ORC3: variants seen among roughly 807,000 people sequenced by gnomAD.
ORC3 encodes origin recognition complex subunit 3.
In ORC3, 78 loss-of-function variants were observed where a neutral mutation model predicts 100.7. The ratio of observed to expected loss-of-function variants is 0.77; its 90% CI spans 0.65 to 0.94. The LOEUF (loss-of-function observed/expected upper bound fraction) is 0.94, where lower values mean the gene tolerates loss of function less well. ORC3 is among the 40% of genes least tolerant of loss of function. ORC3 has a pLI of 0.00. For missense variants in ORC3, 789 were observed against 823.9 expected (o/e 0.96, Z 0.52); for synonymous variants, 295 against 289.3 (o/e 1.02, Z -0.20).
chr6:87,667,879 A>AGAT (rs1472032293), downstream of ORC3, among the ~76,000 whole-genome samples: 1 of 152,066 alleles, frequency 6.6e-6, no homozygotes, highest in Non-Finnish European at 1.5e-5. Flanking sequence ...CAGTGAACTG[A>AGAT]GATCGGCCAC....
At chr6:87,598,674 A>G (rs1038191599) in intron 2 of ORC3, among the ~76,000 whole-genome samples, 2 of 139,330 alleles carry the variant, frequency 1.4e-5, no homozygotes, top group African/African-American at 2.7e-5. Context: ...TTTTTTTTTC[A>G]TTATGTGGCT....
the ORC3 span, among the ~76,000 whole-genome samples, chr6:87,673,416 CCT>C: frequency 6.6e-6 from 1 of 151,962 alleles, no homozygotes. Flanking sequence ...GTTTAACTGG[CCT>C]CTAGTGGTAG....
chr6:87,657,161 C>A, intron 15 of ORC3, 179 bp downstream of exon 15: 1 of 538,678 alleles, frequency 1.9e-6, no homozygotes, highest in Non-Finnish European at 3.3e-6. Context: ...GCCATCATTA[C>A]TCTACATATA....
At chr6:87,632,742 T>C (rs1206062113) in intron 11 of ORC3, among the ~76,000 whole-genome samples, 1 of 152,136 alleles carries the variant, frequency 6.6e-6, no homozygotes, top group Non-Finnish European at 1.5e-5. Flanking sequence ...CAGGCACCTG[T>C]AATCCCAGCT....
At chr6:87,661,257 T>C (rs1299095334) in intron 16 of ORC3, among the ~76,000 whole-genome samples, 2 of 152,194 alleles carry the variant, frequency 1.3e-5, no homozygotes, top group Non-Finnish European at 2.9e-5. Context: ...TAGCCAGCCA[T>C]CACAGAAACT....
At chr6:87,652,764 C>T (rs1404108047) in intron 13 of ORC3, among the ~76,000 whole-genome samples, 1 of 152,196 alleles carries the variant, frequency 6.6e-6, no homozygotes, top group South Asian at 2.1e-4. Flanking sequence ...TTTTAAGTCT[C>T]CATCTAACCT....
At chr6:87,659,025 G>GGT (rs1562382228) in intron 16 of ORC3, among the ~76,000 whole-genome samples, 1 of 142,504 alleles carries the variant, frequency 7.0e-6, no homozygotes, top group African/African-American at 2.6e-5. Flanking sequence ...AGTGGGGCGG[G>GGT]GGGGGGAGAA....
In ORC3 at chr6:87,654,286, G is replaced by A. The variant is rs1583155749; in HGVS notation, c.1516+1037G>A. Among the ~76,000 whole-genome samples, 12 of 152,282 alleles carry A rather than the reference G, an allele frequency of 7.9e-5. No individual in the cohort carries two copies. The South Asian group carries it at 2.5e-3, about 32-fold the overall frequency. ...GGCACCTGATGAGTGCTCAGTCATG[G>A]AAGATGAAAGAGAATGTTTGCCTGA... On this transcript the variant is annotated intron_variant, in intron 14 of 19. Transcript: ENST00000392844.
At chr6:87,603,235 C>T in intron 3 of ORC3, 149 bp from the exon 4 acceptor site, 1 of 438,094 alleles carries the variant, frequency 2.3e-6, no homozygotes, top group Non-Finnish European at 4.0e-6. Context: ...GCACTAATTA[C>T]TAGAGATTTA....
At chr6:87,620,722 A>T (rs977510876) in intron 9 of ORC3, among the ~76,000 whole-genome samples, 1 of 152,130 alleles carries the variant, frequency 6.6e-6, no homozygotes, top group East Asian at 1.9e-4. Context: ...TGTATACAAG[A>T]TTATCCAAAC....
intron 11 of ORC3, among the ~76,000 whole-genome samples, chr6:87,622,764 T>A: frequency 6.6e-6 from 1 of 152,244 alleles, no homozygotes; most frequent in Non-Finnish European, 1.5e-5. Context: ...TTTTGGCAGT[T>A]GCTGCCTTCT....
intron 7 of ORC3, 145 bp from the exon 8 acceptor site, chr6:87,611,944 G>C: frequency 1.5e-6 from 1 of 664,980 alleles, no homozygotes; most frequent in Non-Finnish European, 2.4e-6. Flanking sequence ...GAAAGACTTA[G>C]AAAATTTTAG....
In ORC3 at chr6:87,612,157, G is replaced by C; in HGVS notation, c.782G>C (p.Arg261Pro). The C allele has an allele frequency of 6.2e-7, 1 of 1,613,296 alleles. No homozygotes were observed. Residue 261 changes from arginine (R) to proline (P), a missense_variant, in exon 8 of 20, where the codon CGA (arginine) becomes CCA (proline). Around this residue, in one of 3 missense-constraint regions of ORC3, gnomAD observed 399 missense variants for 382.0 expected, o/e 1.04. Coordinates refer to ENST00000392844, the MANE Select transcript of ORC3 (RefSeq NM_012381.4). Reference sequence around the variant, plus strand: ...GCCACATCTCCTATTATCATCCACCGATTGCTTCCTCATGCAGTATCATCT... The same window carrying C: ...GCCACATCTCCTATTATCATCCACCCATTGCTTCCTCATGCAGTATCATCT... Reference protein sequence around the residue: ...GIATSPIIIHRLLPHAVSSLL... With the variant: ...GIATSPIIIHPLLPHAVSSLL...
At position 87,634,973 on chromosome 6, in the gene ORC3, C is replaced by T. The variant is rs753101471; in HGVS notation, c.1302+12C>T. ...CACTAGGTCGACAGGTAATCCAAGCCTCCTCATTTGTAATCCATGAAGTAG... is the reference window on the plus strand; with the variant it reads ...CACTAGGTCGACAGGTAATCCAAGCTTCCTCATTTGTAATCCATGAAGTAG... On this transcript the variant is annotated intron_variant, in intron 12 of 19. Transcript: ENST00000392844. The T allele has an allele frequency of 4.8e-6, 6 of 1,255,282 alleles. No homozygotes were observed. The South Asian group carries it at 6.0e-5, about 12-fold the overall frequency. The allele number at this position is 1,255,282 out of a possible 1,614,324, so 77.8% of individuals were successfully genotyped here. A position where few individuals can be genotyped will look rare whatever the true frequency, so the allele number is the denominator to read the frequency against.
Position 87,594,336 on chromosome 6 carries a change from C to T in ORC3, c.25-17C>T, listed in dbSNP as rs151279422. On this transcript the variant is annotated splice_polypyrimidine_tract_variant and intron_variant, in intron 1 of 19. Transcript: ENST00000392844. ...TTGGCTACTTTGACTTTATGCTTTTCGTCTTTCTTTTTATAGGGTTGCTTT... is the reference window on the plus strand; with the variant it reads ...TTGGCTACTTTGACTTTATGCTTTTTGTCTTTCTTTTTATAGGGTTGCTTT... 9.0e-5 allele frequency: 140 copies of T among 1,563,010 alleles called. No individual in the cohort carries two copies. The African/African-American group carries it at 1.1e-3, about 13-fold the overall frequency.
the ORC3 span, chr6:87,675,718 G>A: frequency 1.4e-6 from 2 of 1,473,184 alleles, no homozygotes; most frequent in Admixed American, 1.9e-5. Context: ...CAAAAGACTT[G>A]CAAAGTTATG....
At chr6:87,676,995 T>C in the ORC3 span, among the ~76,000 whole-genome samples, 1 of 150,160 alleles carries the variant, frequency 6.7e-6, no homozygotes, top group Non-Finnish European at 1.5e-5. Flanking sequence ...GAGAATGGCG[T>C]GAACCCGGAA....
chr6:87,618,495 G>T (rs1054575499), intron 9 of ORC3, among the ~76,000 whole-genome samples: 1 of 152,098 alleles, frequency 6.6e-6, no homozygotes, highest in African/African-American at 2.4e-5. Flanking sequence ...CCACAAATCT[G>T]AGTAGTCAGT....
In ORC3 at chr6:87,633,898, C is replaced by CT. The variant is rs1342515144; in HGVS notation, c.1186-946dup. Among the ~76,000 whole-genome samples, 13 of 152,294 alleles carry CT rather than the reference C, an allele frequency of 8.5e-5. No homozygotes were observed. The East Asian group carries it at 2.5e-3, about 29-fold the overall frequency. ...TCAGGAGGCTCTAGAAAACCTCTCT[C>CT]TCCCCTCAACAAAACCTTTTGAAAC... On this transcript the variant is annotated intron_variant, in intron 11 of 19. Coordinates refer to ENST00000392844, the MANE Select transcript of ORC3 (RefSeq NM_012381.4).
Sources: gnomAD v4.1 joint callset for allele counts (sites outside exome capture counted in the v4.1 genomes callset) on GRCh38, gnomAD v4.1.1 for gene constraint, gnomAD v4.1.1 regional missense constraint, MANE v1.5 for transcripts, NCBI Gene and HGNC (gene_info 2026-07-23, HGNC 2026-07-21) for gene names.